Variants in PDE1C observed in about 807,000 individuals in gnomAD.
PDE1C encodes the protein dual specificity calcium/calmodulin-dependent 3',5'-cyclic nucleotide phosphodiesterase 1C.
PDE1C carries 62 observed loss-of-function variants against 93.1 expected under a neutral mutation model. That is an observed-to-expected ratio of 0.67 (90% CI 0.54 to 0.82). The LOEUF is 0.82. PDE1C is among the 40% of genes least tolerant of loss of function. PDE1C has a pLI of 0.00. For synonymous variants in PDE1C, 325 were observed against 310.1 expected (o/e 1.05, Z -0.50); for missense variants, 742 against 884.6 (o/e 0.84, Z 2.04).
chr7:31,737,466 A>G, the PDE1C span, among the ~76,000 whole-genome samples: 1 of 152,106 alleles, frequency 6.6e-6, no homozygotes, highest in Non-Finnish European at 1.5e-5. Context: ...TTCACTCTCA[A>G]ATATAAAACA....
chr7:31,987,100 A>T (rs1188491599), intron 2 of PDE1C, among the ~76,000 whole-genome samples: 1 of 152,152 alleles, frequency 6.6e-6, no homozygotes. Flanking sequence ...TGTGGAAGAA[A>T]ACATGTTTGC....
At chr7:32,203,996 T>A (rs922969304) in intron 2 of PDE1C, among the ~76,000 whole-genome samples, 2 of 152,216 alleles carry the variant, frequency 1.3e-5, no homozygotes, top group Non-Finnish European at 2.9e-5. Flanking sequence ...CTCTGTGGTG[T>A]ATCCAAATTG....
the PDE1C span, among the ~76,000 whole-genome samples, chr7:31,731,715 A>G: frequency 2.6e-5 from 4 of 152,196 alleles, no homozygotes; most frequent in African/African-American, 7.2e-5. Context: ...ATCAGCAGGC[A>G]GAATATTTCC....
At chr7:32,323,694 C>T (rs1783346098) in intron 1 of PDE1C, among the ~76,000 whole-genome samples, 1 of 152,118 alleles carries the variant, frequency 6.6e-6, no homozygotes, top group Admixed American at 6.5e-5. Flanking sequence ...AATACAGATG[C>T]CTGGTCTGGA....
At chr7:32,170,968 C>A (rs1017723036) in intron 2 of PDE1C, among the ~76,000 whole-genome samples, 1 of 152,138 alleles carries the variant, frequency 6.6e-6, no homozygotes, top group African/African-American at 2.4e-5. Flanking sequence ...CTCCAGCCCC[C>A]TGAAGTCATT....
chr7:32,114,034 C>T (rs556416942), intron 3 of PDE1C, among the ~76,000 whole-genome samples: 88 of 152,182 alleles, frequency 5.8e-4, no homozygotes, highest in African/African-American at 1.8e-3. Flanking sequence ...GAATAAATAT[C>T]GTGAAAATGG....
chr7:31,935,232 T>C (rs1804874258), intron 2 of PDE1C, among the ~76,000 whole-genome samples: 1 of 152,304 alleles, frequency 6.6e-6, no homozygotes, highest in Admixed American at 6.5e-5. Flanking sequence ...AACTTTCTCA[T>C]ATTGACACAA....
intron 1 of PDE1C, among the ~76,000 whole-genome samples, chr7:32,329,196 G>A (rs1240568177): frequency 6.6e-6 from 1 of 152,038 alleles, no homozygotes; most frequent in Non-Finnish European, 1.5e-5. Flanking sequence ...CATGCCACTG[G>A]GTGACAGAGT....
At chr7:31,781,759 CA>C (rs1158730542) in intron 16 of PDE1C, among the ~76,000 whole-genome samples, 6 of 145,044 alleles carry the variant, frequency 4.1e-5, no homozygotes, top group Non-Finnish European at 8.9e-5. Context: ...GCTGCATATT[CA>C]GAGTATTTAA....
At chr7:32,171,118 A>T (rs1288480256) in intron 2 of PDE1C, among the ~76,000 whole-genome samples, 1 of 152,208 alleles carries the variant, frequency 6.6e-6, no homozygotes, top group Non-Finnish European at 1.5e-5. Context: ...CCGTAACATG[A>T]CATGGAAGCC....
intron 1 of PDE1C, among the ~76,000 whole-genome samples, chr7:32,392,463 G>T (rs1279657266): frequency 6.6e-6 from 1 of 152,108 alleles, no homozygotes. Flanking sequence ...GTTTTATCCT[G>T]ATATCAAAGC....
chr7:32,194,272 G>A (rs560649905), intron 2 of PDE1C, among the ~76,000 whole-genome samples: 36 of 152,226 alleles, frequency 2.4e-4, no homozygotes, highest in Admixed American at 6.5e-4. Flanking sequence ...TGTGTAGCAC[G>A]GTTCACAGTA....
intron 3 of PDE1C, among the ~76,000 whole-genome samples, chr7:32,144,344 C>T (rs1800702374): frequency 6.6e-6 from 1 of 152,162 alleles, no homozygotes; most frequent in Non-Finnish European, 1.5e-5. Context: ...GACATGAATA[C>T]TACCAGCTTG....
At chr7:31,730,450 C>T in the PDE1C span, among the ~76,000 whole-genome samples, 1 of 152,338 alleles carries the variant, frequency 6.6e-6, no homozygotes, top group South Asian at 2.1e-4. Flanking sequence ...ACATCTCAGC[C>T]TCTCTAACCT....
At chr7:32,345,877 C>A (rs998683430) in intron 1 of PDE1C, among the ~76,000 whole-genome samples, 2 of 152,204 alleles carry the variant, frequency 1.3e-5, no homozygotes, top group Middle Eastern at 3.2e-3. Context: ...AAGAAACCTT[C>A]ATACATTGCT....
At chr7:31,654,236 G>A in the PDE1C span, among the ~76,000 whole-genome samples, 2 of 152,238 alleles carry the variant, frequency 1.3e-5, no homozygotes, top group South Asian at 2.1e-4. Context: ...GTGAGGAAGT[G>A]GAAGCCAAGT....
intron 3 of PDE1C, among the ~76,000 whole-genome samples, chr7:32,096,254 A>T (rs1797741612): frequency 6.6e-6 from 1 of 152,176 alleles, no homozygotes; most frequent in Non-Finnish European, 1.5e-5. Context: ...ATGCTCATTC[A>T]TTCACTAAGC....
the PDE1C span, among the ~76,000 whole-genome samples, chr7:31,696,504 G>T: frequency 6.6e-6 from 1 of 152,192 alleles, no homozygotes; most frequent in East Asian, 1.9e-4. Flanking sequence ...TTTCACTGTA[G>T]CATAGAGGTG....
chr7:31,665,786 C>T, the PDE1C span, among the ~76,000 whole-genome samples: 2 of 152,108 alleles, frequency 1.3e-5, no homozygotes, highest in South Asian at 2.1e-4. Context: ...CTAAAAGGAA[C>T]AAACTCCCAC....
Sources: allele counts gnomAD v4.1 joint callset (sites outside exome capture counted in the v4.1 genomes callset), GRCh38; gene constraint gnomAD v4.1.1; transcripts MANE v1.5; gene names NCBI Gene and HGNC (gene_info 2026-07-23, HGNC 2026-07-21).